The following PRPF31 variants were observed in gnomAD, a reference collection of about 807,000 sequenced individuals.
The protein encoded by PRPF31 is pre-mRNA processing factor 31.
PRPF31 carries 12 observed loss-of-function variants against 60.4 expected under a neutral mutation model. The ratio of observed to expected loss-of-function variants is 0.20; its 90% confidence interval spans 0.13 to 0.32. The LOEUF (loss-of-function observed/expected upper bound fraction) is 0.32, where lower values mean the gene tolerates loss of function less well. PRPF31 is among the 10% of genes least tolerant of loss of function. The pLI is 1.00. For synonymous variants in PRPF31, 287 were observed against 287.9 expected, an observed-to-expected ratio of 1.00 and a Z score of 0.03; for missense variants, 431 against 687.1, an observed-to-expected ratio of 0.63 and a Z score of 4.17.
At chr19:54,129,630 CCT>C (rs2074006607) in intron 13 of PRPF31, among the ~76,000 whole-genome samples, 1 of 135,786 alleles carries the variant, frequency 7.4e-6, no homozygotes, top group African/African-American at 2.7e-5. Context: ...GCACCCAGTT[CCT>C]CTGTCGGGCT....
chr19:54,128,445 C>G (rs1264617911), intron 11 of PRPF31, 68 bp downstream of exon 11: 1 of 1,441,898 alleles, frequency 6.9e-7, no homozygotes, highest in African/African-American at 1.4e-5. Flanking sequence ...TGCCTCCTGC[C>G]ACCGCCCCTC....
chr19:54,117,463 C>T (rs2073676540), intron 1 of PRPF31, among the ~76,000 whole-genome samples: 1 of 152,124 alleles, frequency 6.6e-6, no homozygotes, highest in Admixed American at 6.5e-5. Flanking sequence ...GGGCTGGTGT[C>T]AAGTCAACAA....
At chr19:54,123,287 G>A (rs1266520992) in intron 5 of PRPF31, 167 bp from the exon 6 acceptor site, 1 of 683,434 alleles carries the variant, frequency 1.5e-6, no homozygotes, top group African/African-American at 1.8e-5. Context: ...GGTGGAGGCA[G>A]GAATGGTGTG....
In PRPF31 at chr19:54,131,618, AG is replaced by A; in HGVS notation, c.*187del. On this transcript the variant is annotated 3_prime_UTR_variant, in exon 14 of 14. Transcript: ENST00000321030. ...TCCCCCAGGACCGAGATCACCGCCCAGTATGGGCTAGAGCAGGTCTTCATCA... is the reference window on the plus strand; with the variant it reads ...TCCCCCAGGACCGAGATCACCGCCCATATGGGCTAGAGCAGGTCTTCATCA... 1.2e-6 allele frequency: 1 copy of A among 804,342 alleles called. No individual in the cohort carries two copies. The highest frequency in any genetic ancestry group is 2.0e-6 in the Non-Finnish European group (1 of 492,358). 49.8% of individuals were successfully genotyped at this position (804,342 alleles called of 1,614,324 possible).
intron 8 of PRPF31, 36 bp from the exon 9 acceptor site, chr19:54,126,492 T>C: frequency 3.1e-6 from 5 of 1,594,524 alleles, no homozygotes; most frequent in Admixed American, 1.7e-5. Flanking sequence ...TCTGTCTGTC[T>C]CACACAGATT....
At chr19:54,116,576 G>T (rs2073646481) in intron 1 of PRPF31, among the ~76,000 whole-genome samples, 1 of 152,246 alleles carries the variant, frequency 6.6e-6, no homozygotes, top group Non-Finnish European at 1.5e-5. Context: ...TGTGGAAGGA[G>T]CAAAAATTGT....
At position 54,131,525 on chromosome 19, in the gene PRPF31, C is replaced by G. The variant is rs1291636850; in HGVS notation, c.*93C>G. 1.6e-5 allele frequency: 25 copies of G among 1,519,494 alleles called. No individual in the cohort carries two copies. Among genetic ancestry groups the G allele is most frequent in the Non-Finnish European group, 2.1e-5 (24 of 1,118,652 alleles). The allele number at this position is 1,519,494 out of a possible 1,614,324, so 94.1% of individuals were successfully genotyped here. ...AGGATCGGGTTCTGGCAGGGAGAAC[C>G]TGCCCTGCCACTGGCCCCATTGCTG... On this transcript the variant is annotated 3_prime_UTR_variant, in exon 14 of 14. Coordinates refer to ENST00000321030, the MANE Select transcript of PRPF31 (RefSeq NM_015629.4).
chr19:54,118,647 C>T lies in PRPF31; in HGVS notation c.238+14C>T. 2 of 1,613,438 alleles carry T rather than the reference C, an allele frequency of 1.2e-6. No homozygotes were observed. Among genetic ancestry groups the T allele is most frequent in the Non-Finnish European group, 1.7e-6 (2 of 1,179,418 alleles). ...AAGCTTCAGAAGGTGCTTCCTCCCACTCTGTGCCCCTCCCCATCTCCTGTC... is the reference window on the plus strand; with the variant it reads ...AAGCTTCAGAAGGTGCTTCCTCCCATTCTGTGCCCCTCCCCATCTCCTGTC... On this transcript the variant is annotated intron_variant, in intron 3 of 13. Coordinates refer to ENST00000321030, the MANE Select transcript of PRPF31 (RefSeq NM_015629.4).
chr19:54,128,821 C>T (rs1327854202), intron 11 of PRPF31, among the ~76,000 whole-genome samples: 1 of 152,214 alleles, frequency 6.6e-6, no homozygotes, highest in African/African-American at 2.4e-5. Flanking sequence ...GAAGGAATGG[C>T]CTCCCAACTC....
intron 8 of PRPF31, 47 bp from the exon 9 acceptor site, chr19:54,126,477 CTCTG>C (rs773320849): frequency 7.7e-6 from 12 of 1,566,522 alleles, no homozygotes; most frequent in Admixed American, 1.8e-5. Context: ...TTGCTGTTAC[CTCTG>C]TCTGTCTGTC....
intron 1 of PRPF31, among the ~76,000 whole-genome samples, chr19:54,117,351 A>G (rs1325369009): frequency 1.3e-5 from 2 of 152,168 alleles, no homozygotes; most frequent in Non-Finnish European, 2.9e-5. Context: ...AGGGGCTTAA[A>G]AAGGGGAACT....
intron 8 of PRPF31, chr19:54,124,942 G>A: frequency 1.8e-6 from 1 of 567,352 alleles, no homozygotes; most frequent in Non-Finnish European, 3.2e-6. Context: ...AGGGCTCAGT[G>A]CACATGAAGC....
intron 9 of PRPF31, 39 bp downstream of exon 9, chr19:54,126,656 C>A: frequency 6.3e-7 from 1 of 1,579,486 alleles, no homozygotes; most frequent in Non-Finnish European, 8.6e-7. Flanking sequence ...GGCGTCTTTT[C>A]CTCTGGGCCT....
At chr19:54,120,765 G>A (rs985039346) in intron 3 of PRPF31, among the ~76,000 whole-genome samples, 1 of 152,102 alleles carries the variant, frequency 6.6e-6, no homozygotes, top group Non-Finnish European at 1.5e-5. Context: ...ACACCACCAT[G>A]CCTGGCTAAT....
intron 11 of PRPF31, among the ~76,000 whole-genome samples, 183 bp from the exon 12 acceptor site, chr19:54,128,874 C>T (rs2146448848): frequency 6.6e-6 from 1 of 152,316 alleles, no homozygotes; most frequent in African/African-American, 2.4e-5. Context: ...CTCTCAGGCT[C>T]CCCAGCATCC....
At chr19:54,128,512 C>CT (rs2073978119) in intron 11 of PRPF31, 135 bp downstream of exon 11, 11 of 929,836 alleles carry the variant, frequency 1.2e-5, no homozygotes, top group Admixed American at 2.1e-5. Flanking sequence ...TCCCCCCCCC[C>CT]GGCCTCTATT....
In PRPF31 at chr19:54,129,085, T is replaced by G; in HGVS notation, c.1175T>G (p.Leu392Arg). ...GAGGAGGACGCCTACCAGGAGGACC[T>G]GGGATTCAGCCTGGGCCACCTGGGC... ...EIEEDAYQED[L>R]GFSLGHLGKS... is the part of the protein sequence containing the mutation. The change falls in exon 12 of 14, where the codon CTG (leucine) becomes CGG (arginine). Residue 392 changes from leucine (L) to arginine (R), a missense_variant. Leu to Arg is a moderately radical substitution (Grantham distance 102). Around this residue, in one of 4 missense-constraint regions of PRPF31, gnomAD observed 314 missense variants for 475.3 expected, o/e 0.66. Coordinates refer to ENST00000321030, the MANE Select transcript of PRPF31 (RefSeq NM_015629.4). 6.3e-7 allele frequency: 1 copy of G among 1,578,672 alleles called. No individual in the cohort carries two copies.
chr19:54,121,922 G>C lies in PRPF31; in HGVS notation c.301G>C (p.Val101Leu). ...CATCGTGGATGCCAACAACCTGACC[G>C]TGGAGATCGAAAACGAGCTGAGTGA... ...RVIVDANNLT[V>L]EIENELNIIH... is the part of the protein sequence containing the mutation. The change falls in exon 4 of 14, where the codon GTG becomes CTG. Residue 101 changes from valine to leucine, a missense_variant. Coordinates refer to ENST00000321030, the MANE Select transcript of PRPF31 (RefSeq NM_015629.4). 6.2e-7 allele frequency: 1 copy of C among 1,612,702 alleles called. No homozygotes were observed. Among genetic ancestry groups the C allele is most frequent in the Non-Finnish European group, 8.5e-7 (1 of 1,179,532 alleles).
Position 54,128,285 on chromosome 19 carries a change from G to GGGCCCCCCCCCCCCCC in PRPF31, c.1074-20_1074-19insGGCCCCCCCCCCCCCC. On this transcript the variant is annotated intron_variant, in intron 10 of 13. Transcript: ENST00000321030. ...TCCTCCCAGCCGACTCCCTGGCGCC[G>GGGCCCCCCCCCCCCCC]CCCACCCACCCGTCCCCAGGTACCG... 6.5e-7 allele frequency: 1 copy of GGGCCCCCCCCCCCCCC among 1,540,480 alleles called. No homozygotes were observed. The highest frequency in any genetic ancestry group is 8.8e-7 in the Non-Finnish European group (1 of 1,139,264).
Sources: allele counts gnomAD v4.1 joint callset (sites outside exome capture counted in the v4.1 genomes callset), GRCh38; gene constraint gnomAD v4.1.1; regional missense constraint gnomAD v4.1.1; transcripts MANE v1.5; gene names NCBI Gene and HGNC (gene_info 2026-07-23, HGNC 2026-07-21).